COL19A1: variants seen among roughly 807,000 people sequenced by gnomAD.
COL19A1 encodes collagen type XIX alpha 1 chain.
COL19A1 carries 159 observed loss-of-function variants against 190.2 expected under a neutral mutation model. The observed-to-expected ratio is 0.84, with a 90% confidence interval of 0.73 to 0.95. The LOEUF (loss-of-function observed/expected upper bound fraction) is 0.95, where lower values mean the gene tolerates loss of function less well. Among genes scored for constraint, COL19A1 ranks in the 40% least tolerant of loss-of-function variants. The pLI is 0.00. For missense variants in COL19A1, 1,418 were observed against 1,431.9 expected, an observed-to-expected ratio of 0.99 and a Z score of 0.16; for synonymous variants, 509 against 458.9, an observed-to-expected ratio of 1.11 and a Z score of -1.39.
chr6:69,884,920 G>A (rs937179975), intron 2 of COL19A1, among the ~76,000 whole-genome samples: 9 of 150,682 alleles, frequency 6.0e-5, no homozygotes, highest in Admixed American at 1.3e-4. Context: ...GCAGTGGCGC[G>A]ATCTTGGCTC....
At chr6:70,032,748 A>G (rs574769618) in intron 12 of COL19A1, among the ~76,000 whole-genome samples, 1 of 152,270 alleles carries the variant, frequency 6.6e-6, no homozygotes, top group African/African-American at 2.4e-5. Context: ...GGCTGTGGCT[A>G]CCAGTACAGG....
At chr6:70,027,995 A>G (rs573950560) in intron 12 of COL19A1, among the ~76,000 whole-genome samples, 3 of 152,100 alleles carry the variant, frequency 2.0e-5, no homozygotes, top group Non-Finnish European at 4.4e-5. Context: ...GATAATTTCA[A>G]TATCCTCTCT....
intron 16 of COL19A1, among the ~76,000 whole-genome samples, chr6:70,104,010 G>C (rs1783801088): frequency 6.6e-6 from 1 of 152,168 alleles, no homozygotes; most frequent in Non-Finnish European, 1.5e-5. Context: ...CCTCAACCCA[G>C]TACCCTAGGA....
At chr6:69,895,508 T>C (rs1582312873) in intron 2 of COL19A1, among the ~76,000 whole-genome samples, 1 of 152,080 alleles carries the variant, frequency 6.6e-6, no homozygotes, top group East Asian at 1.9e-4. Context: ...TTTTATTGGG[T>C]GAAAAGGAAG....
chr6:69,938,505 A>G (rs1773256599), intron 9 of COL19A1, among the ~76,000 whole-genome samples: 1 of 151,372 alleles, frequency 6.6e-6, no homozygotes, highest in Non-Finnish European at 1.5e-5. Flanking sequence ...TTTTTTTTTT[A>G]AACGGCCAAC....
intron 14 of COL19A1, among the ~76,000 whole-genome samples, chr6:70,050,589 A>T (rs1780150379): frequency 6.6e-6 from 1 of 152,110 alleles, no homozygotes; most frequent in Non-Finnish European, 1.5e-5. Context: ...TATTAAAGTA[A>T]AATATCACCC....
chr6:69,899,277 G>A (rs1770001805), intron 3 of COL19A1, among the ~76,000 whole-genome samples: 1 of 150,410 alleles, frequency 6.6e-6, no homozygotes, highest in Non-Finnish European at 1.5e-5. Context: ...CAATTCTCCT[G>A]CCTCAGCCTC....
intron 14 of COL19A1, among the ~76,000 whole-genome samples, chr6:70,041,725 A>C (rs1237431271): frequency 6.6e-6 from 1 of 152,116 alleles, no homozygotes; most frequent in African/African-American, 2.4e-5. Flanking sequence ...TATAAAAAAA[A>C]CAGAAATGTT....
At chr6:70,176,492 A>C in intron 41 of COL19A1, 28 bp from the exon 42 acceptor site, 2 of 1,609,818 alleles carry the variant, frequency 1.2e-6, no homozygotes, top group Non-Finnish European at 1.7e-6. Flanking sequence ...GATGTCATTA[A>C]AGTAGCAATG....
At chr6:70,134,608 T>G (rs1329005109) in intron 18 of COL19A1, among the ~76,000 whole-genome samples, 1 of 152,172 alleles carries the variant, frequency 6.6e-6, no homozygotes, top group Non-Finnish European at 1.5e-5. Context: ...TGTAGAATAT[T>G]TGTACTGACA....
chr6:70,143,814 A>G (rs11754354), intron 23 of COL19A1, among the ~76,000 whole-genome samples: 6,054 of 152,094 alleles, frequency 0.04, 262 homozygotes, highest in East Asian at 0.14. Context: ...GATAGTGGCC[A>G]GAGCTATAAA....
At chr6:69,965,508 T>C (rs1775039460) in intron 11 of COL19A1, among the ~76,000 whole-genome samples, 1 of 152,196 alleles carries the variant, frequency 6.6e-6, no homozygotes, top group Non-Finnish European at 1.5e-5. Context: ...CACTCTCTCC[T>C]TAGTCCTGAG....
In COL19A1 at chr6:70,195,133, GATGAT is replaced by G. The variant is rs1426783651; in HGVS notation, c.3095-4472_3095-4468del. Among the ~76,000 whole-genome samples the G allele has an allele frequency of 4.4e-3, 374 of 84,520 alleles. 2 individuals carry two copies. Among genetic ancestry groups the G allele is most frequent in the African/African-American group, 0.021 (348 of 16,816 alleles). 55.4% of individuals were successfully genotyped at this position (84,520 alleles called of 152,430 possible). A position where few individuals can be genotyped will look rare whatever the true frequency, so the allele number is the denominator to read the frequency against. On this transcript the variant is annotated intron_variant, in intron 48 of 50. Transcript: ENST00000620364. ...CTTCATCTGATAAATATACATCATT[GATGAT>G]ATATATATATATATATATATATATA...
intron 4 of COL19A1, among the ~76,000 whole-genome samples, chr6:69,911,128 A>C (rs941282730): frequency 6.6e-6 from 1 of 152,240 alleles, no homozygotes; most frequent in African/African-American, 2.4e-5. Context: ...TCTCAGACAC[A>C]GTCAGACTGT....
intron 4 of COL19A1, among the ~76,000 whole-genome samples, chr6:69,925,587 A>C (rs1317075781): frequency 6.6e-6 from 1 of 152,132 alleles, no homozygotes; most frequent in Non-Finnish European, 1.5e-5. Context: ...TTGGTTCCAT[A>C]TGAACTTTAA....
At chr6:70,021,317 G>A (rs1452763075) in intron 11 of COL19A1, among the ~76,000 whole-genome samples, 3 of 151,852 alleles carry the variant, frequency 2.0e-5, no homozygotes, top group Non-Finnish European at 4.4e-5. Flanking sequence ...TTTTTATTTA[G>A]TTTTATTACC....
chr6:69,867,893 T>C (rs1767575587), intron 1 of COL19A1, among the ~76,000 whole-genome samples: 1 of 151,942 alleles, frequency 6.6e-6, no homozygotes, highest in South Asian at 2.1e-4. Flanking sequence ...AAGAGAGTGA[T>C]CATCGGCCAC....
intron 11 of COL19A1, among the ~76,000 whole-genome samples, chr6:69,996,917 TGTG>T (rs1453291542): frequency 8.5e-6 from 1 of 117,652 alleles, no homozygotes; most frequent in Admixed American, 7.9e-5. Context: ...CAAAAAGACT[TGTG>T]TGTGTGTGTG....
chr6:70,163,651 C>T (rs1370386283), intron 36 of COL19A1, among the ~76,000 whole-genome samples: 1 of 152,138 alleles, frequency 6.6e-6, no homozygotes, highest in East Asian at 1.9e-4. Flanking sequence ...GATTCAGAAT[C>T]CTGGGCAACC....
Sources: allele counts gnomAD v4.1 joint callset (sites outside exome capture counted in the v4.1 genomes callset), GRCh38; gene constraint gnomAD v4.1.1; transcripts MANE v1.5; gene names NCBI Gene and HGNC (gene_info 2026-07-23, HGNC 2026-07-21).